Variants in SFMBT2 observed in about 807,000 individuals in gnomAD.
The protein encoded by SFMBT2 is Scm like with four mbt domains 2.
Under a neutral mutation model 110.1 loss-of-function variants are expected in SFMBT2, and 38 were observed. The ratio of observed to expected loss-of-function variants is 0.35; its 90% confidence interval spans 0.27 to 0.45. The LOEUF (loss-of-function observed/expected upper bound fraction) is 0.45. Among genes scored for constraint, SFMBT2 ranks in the 20% least tolerant of loss-of-function variants. SFMBT2 has a pLI of 1.00. For missense variants in SFMBT2, 1,011 were observed against 1,094.9 expected (o/e 0.92, Z 1.08); for synonymous variants, 425 against 425.4 (o/e 1.00, Z 0.01).
chr10:7,296,652 T>C (rs1046771449), intron 4 of SFMBT2, among the ~76,000 whole-genome samples: 5 of 152,234 alleles, frequency 3.3e-5, no homozygotes, highest in Non-Finnish European at 5.9e-5. Flanking sequence ...AGTATTTAGG[T>C]TGCTGTCTGT....
chr10:7,273,101 C>T (rs1403845550), intron 7 of SFMBT2, among the ~76,000 whole-genome samples: 2 of 152,192 alleles, frequency 1.3e-5, no homozygotes, highest in African/African-American at 4.8e-5. Flanking sequence ...CCAGCCAAAA[C>T]CTCTGATTCT....
intron 4 of SFMBT2, among the ~76,000 whole-genome samples, chr10:7,336,884 C>T (rs952715731): frequency 6.6e-6 from 1 of 152,094 alleles, no homozygotes; most frequent in African/African-American, 2.4e-5. Context: ...GAATAAAGTG[C>T]GTGAAGACAG....
intron 4 of SFMBT2, among the ~76,000 whole-genome samples, chr10:7,365,089 A>G (rs146225756): frequency 6.6e-6 from 1 of 152,314 alleles, no homozygotes; most frequent in Non-Finnish European, 1.5e-5. Context: ...TGAGTGAATC[A>G]GATGTTACCA....
intron 12 of SFMBT2, chr10:7,205,372 T>C: frequency 1.0e-6 from 1 of 978,802 alleles, no homozygotes; most frequent in Non-Finnish European, 1.2e-6. Flanking sequence ...ATTATAGGAA[T>C]GAGGCACTGT....
At chr10:7,173,587 TC>T (rs1470540702) in intron 17 of SFMBT2, among the ~76,000 whole-genome samples, 1 of 152,244 alleles carries the variant, frequency 6.6e-6, no homozygotes, top group African/African-American at 2.4e-5. Flanking sequence ...ACATCTTAAT[TC>T]AAAAATTATT....
intron 1 of SFMBT2, among the ~76,000 whole-genome samples, chr10:7,388,348 GATGA>G (rs1845674773): frequency 6.6e-6 from 1 of 151,070 alleles, no homozygotes; most frequent in Admixed American, 6.6e-5. Flanking sequence ...TGATGATGAT[GATGA>G]TGATGATGAT....
At chr10:7,228,709 TTCTTTCTTTC>T (rs1269077969) in intron 9 of SFMBT2, among the ~76,000 whole-genome samples, 5 of 133,456 alleles carry the variant, frequency 3.7e-5, no homozygotes, top group African/African-American at 1.5e-4. Context: ...CTTTCTTTCT[TTCTTTCTTTC>T]TTTCTTTCTT....
chr10:7,315,464 C>T (rs1011675060), intron 4 of SFMBT2, among the ~76,000 whole-genome samples: 2 of 152,198 alleles, frequency 1.3e-5, no homozygotes, highest in East Asian at 1.9e-4. Flanking sequence ...TCCTGGGTCT[C>T]GAGCTTGGAG....
rs952818195 is a variant in SFMBT2, at chr10:7,367,526, T to C, written c.436+123A>G. ...ACCTGAGAAACCACTCTGAAAGAACTGTGAGACCTTTGCACTAAGACCATT... is the reference window on the plus strand; with the variant it reads ...ACCTGAGAAACCACTCTGAAAGAACCGTGAGACCTTTGCACTAAGACCATT... On this transcript the variant is annotated intron_variant, in intron 4 of 20. Transcript: ENST00000397167. The surrounding 1 kb of genome is among the most constrained non-coding windows in gnomAD (Gnocchi z 6.2). 3.5e-6 allele frequency: 5 copies of C among 1,444,372 alleles called. No individual in the cohort carries two copies. Among genetic ancestry groups the C allele is most frequent in the Non-Finnish European group, 4.6e-6 (5 of 1,091,736 alleles). 89.5% of individuals were successfully genotyped at this position (1,444,372 alleles called of 1,614,324 possible).
At chr10:7,295,460 T>TA (rs1385477947) in intron 4 of SFMBT2, among the ~76,000 whole-genome samples, 4 of 152,208 alleles carry the variant, frequency 2.6e-5, no homozygotes, top group African/African-American at 9.6e-5. Flanking sequence ...CTGGCAGACT[T>TA]AGACGGCTTT....
rs574823175 is a variant in SFMBT2 at position 7,177,539 on chromosome 10, G to A, written c.1809-1374C>T. ...AAATTAAACGAGGTTATAAGGGTGG[G>A]GACCTAATCCCATAGGAGTGGCGGC... On this transcript the variant is annotated intron_variant, in intron 16 of 20. Transcript: ENST00000397167. Among the ~76,000 whole-genome samples the A allele has an allele frequency of 9.2e-5, 14 of 152,214 alleles. No homozygotes were observed. The South Asian group carries it at 2.1e-3, about 23-fold the overall frequency.
At chr10:7,193,843 C>T (rs2692801) in intron 15 of SFMBT2, among the ~76,000 whole-genome samples, 89,179 of 152,052 alleles carry the variant, frequency 0.59, 26,742 homozygotes, top group Non-Finnish European at 0.61. Context: ...CCGACAAGAC[C>T]CTTTTGGTCA....
intron 8 of SFMBT2, among the ~76,000 whole-genome samples, chr10:7,247,977 G>T (rs1316341857): frequency 2.6e-5 from 4 of 152,156 alleles, no homozygotes; most frequent in African/African-American, 9.7e-5. Flanking sequence ...GCCTCCCAAA[G>T]TGCTGGGATT....
Position 7,288,036 on chromosome 10 carries a change from A to T in SFMBT2, c.437-2082T>A, listed in dbSNP as rs74417519. Among the ~76,000 whole-genome samples the T allele has an allele frequency of 6.6e-3, 1,008 of 152,388 alleles. 14 individuals are homozygous for T. The highest frequency in any genetic ancestry group is 0.023 in the African/African-American group (959 of 41,598). Reference sequence around the variant, plus strand: ...TATTAGCTCTTGTTTTATTATAAACATACTAAATTATTACATATATCTTTT... The same window carrying T: ...TATTAGCTCTTGTTTTATTATAAACTTACTAAATTATTACATATATCTTTT... On this transcript the variant is annotated intron_variant, in intron 4 of 20. Coordinates refer to ENST00000397167, the MANE Select transcript of SFMBT2 (RefSeq NM_001387889.1).
At chr10:7,245,812 T>C (rs193060070) in intron 8 of SFMBT2, among the ~76,000 whole-genome samples, 1 of 152,360 alleles carries the variant, frequency 6.6e-6, no homozygotes, top group African/African-American at 2.4e-5. Flanking sequence ...TCTGTCTGCA[T>C]CCTTGTCTGT....
At chr10:7,357,903 G>A (rs1844571354) in intron 4 of SFMBT2, among the ~76,000 whole-genome samples, 1 of 152,014 alleles carries the variant, frequency 6.6e-6, no homozygotes, top group South Asian at 2.1e-4. Flanking sequence ...TGTTGGCACA[G>A]CCCTGGAGTG....
chr10:7,302,437 G>A (rs1000144770), intron 4 of SFMBT2, among the ~76,000 whole-genome samples: 1 of 152,196 alleles, frequency 6.6e-6, no homozygotes, highest in African/African-American at 2.4e-5. Flanking sequence ...CACATGCTGA[G>A]GAGCAGAGTG....
At chr10:7,272,283 G>A (rs1013017570) in intron 7 of SFMBT2, among the ~76,000 whole-genome samples, 7 of 152,016 alleles carry the variant, frequency 4.6e-5, no homozygotes, top group Non-Finnish European at 8.8e-5. Flanking sequence ...TTTTAAAAAA[G>A]ACACACCCAC....
intron 3 of SFMBT2, among the ~76,000 whole-genome samples, chr10:7,368,766 C>T (rs1430910730): frequency 6.6e-6 from 1 of 152,226 alleles, no homozygotes; most frequent in Non-Finnish European, 1.5e-5. Context: ...ATCATCTCAG[C>T]ATCTTAAGAT....
Sources: gnomAD v4.1 joint callset for allele counts (sites outside exome capture counted in the v4.1 genomes callset) on GRCh38, gnomAD v4.1.1 for gene constraint, Gnocchi (gnomAD v3.1) non-coding constraint, MANE v1.5 for transcripts, NCBI Gene and HGNC (gene_info 2026-07-23, HGNC 2026-07-21) for gene names.